KCND2: variants seen among roughly 807,000 people sequenced by gnomAD.
KCND2 encodes potassium voltage-gated channel subfamily D member 2.
Under a neutral mutation model 54.4 loss-of-function variants are expected in KCND2, and 16 were observed. The ratio of observed to expected loss-of-function variants is 0.29; its 90% CI spans 0.20 to 0.45. The LOEUF is 0.45. KCND2 is among the 20% of genes least tolerant of loss of function. KCND2 has a pLI of 1.00. For synonymous variants in KCND2, 317 were observed against 310.7 expected (o/e 1.02, Z -0.21); for missense variants, 486 against 824.2 (o/e 0.59, Z 5.02).
At chr7:120,473,080 C>A (rs929384359) in intron 1 of KCND2, among the ~76,000 whole-genome samples, 1 of 152,172 alleles carries the variant, frequency 6.6e-6, no homozygotes, top group Non-Finnish European at 1.5e-5. Flanking sequence ...CCATAAGGAC[C>A]AGCAGATCAG....
intron 2 of KCND2, among the ~76,000 whole-genome samples, chr7:120,734,253 A>T (rs1280389761): frequency 6.6e-6 from 1 of 152,142 alleles, no homozygotes; most frequent in Non-Finnish European, 1.5e-5. Flanking sequence ...AGTGGGTTAC[A>T]GTCTGTTTAC....
At chr7:120,695,003 C>T (rs914024954) in intron 1 of KCND2, among the ~76,000 whole-genome samples, 2 of 152,172 alleles carry the variant, frequency 1.3e-5, no homozygotes, top group African/African-American at 4.8e-5. Flanking sequence ...CTACCACACA[C>T]ATTTTAGCAA....
intron 1 of KCND2, among the ~76,000 whole-genome samples, chr7:120,448,675 A>G (rs1802055737): frequency 1.3e-5 from 2 of 152,150 alleles, no homozygotes; most frequent in African/African-American, 4.8e-5. Context: ...AAAACCCTCA[A>G]TAAAATACTG....
intron 1 of KCND2, among the ~76,000 whole-genome samples, chr7:120,302,595 CA>C (rs1232853267): frequency 2.6e-5 from 4 of 152,130 alleles, no homozygotes; most frequent in Non-Finnish European, 5.9e-5. Context: ...ACACATTAAA[CA>C]CACTATTAAA....
chr7:120,362,625 G>A (rs538166546), intron 1 of KCND2, among the ~76,000 whole-genome samples: 1 of 152,142 alleles, frequency 6.6e-6, no homozygotes, highest in Non-Finnish European at 1.5e-5. Context: ...TCTAGCTCGA[G>A]CTCTGTAATA....
intron 1 of KCND2, among the ~76,000 whole-genome samples, chr7:120,284,176 T>C (rs1338137987): frequency 1.3e-5 from 2 of 152,124 alleles, no homozygotes; most frequent in Admixed American, 1.3e-4. Context: ...TAGCATGCTG[T>C]TTCCATGAAG....
intron 1 of KCND2, among the ~76,000 whole-genome samples, chr7:120,591,294 G>C (rs1422306867): frequency 2.6e-5 from 4 of 152,130 alleles, no homozygotes; most frequent in Admixed American, 2.6e-4. Flanking sequence ...TTCTGAATCA[G>C]TGTTCACTAA....
At chr7:120,746,160 C>A (rs912479522) in intron 5 of KCND2, 133 bp downstream of exon 5, 4 of 1,002,646 alleles carry the variant, frequency 4.0e-6, no homozygotes, top group Middle Eastern at 2.7e-4. Context: ...AAAATGGTAG[C>A]GTAACAAGTA....
chr7:120,395,538 G>A (rs775060366), intron 1 of KCND2, among the ~76,000 whole-genome samples: 1 of 152,042 alleles, frequency 6.6e-6, no homozygotes, highest in African/African-American at 2.4e-5. Flanking sequence ...CTGGTGATCA[G>A]AGAAGCAATT....
At chr7:120,481,675 C>T (rs1802610183) in intron 1 of KCND2, among the ~76,000 whole-genome samples, 1 of 152,170 alleles carries the variant, frequency 6.6e-6, no homozygotes, top group African/African-American at 2.4e-5. Flanking sequence ...AACTCTGCTC[C>T]CTGCATTCTG....
chr7:120,273,841 C>T lies in KCND2; in HGVS notation c.-792C>T, dbSNP rs1320559306. The T allele has an allele frequency of 3.9e-5, 6 of 152,872 alleles. No homozygotes were observed. Among genetic ancestry groups the T allele is most frequent in the Non-Finnish European group, 1.5e-5 (1 of 68,284 alleles). The allele number at this position is 152,872 out of a possible 1,614,324, so 9.5% of individuals were successfully genotyped here. ...CCACGGCGGCGGCGGCTGCCAGCTC[C>T]TGAGCTCTGTAACTGTCACACTGCA... On this transcript the variant is annotated 5_prime_UTR_variant, in exon 1 of 6. Transcript: ENST00000331113.
At chr7:120,615,125 T>C (rs889169819) in intron 1 of KCND2, among the ~76,000 whole-genome samples, 1 of 152,186 alleles carries the variant, frequency 6.6e-6, no homozygotes, top group African/African-American at 2.4e-5. Flanking sequence ...AGTAACAATA[T>C]GAGGGCTCGG....
At chr7:120,369,459 A>G (rs150330718) in intron 1 of KCND2, among the ~76,000 whole-genome samples, 2 of 152,208 alleles carry the variant, frequency 1.3e-5, no homozygotes, top group East Asian at 1.9e-4. Flanking sequence ...TTCAGGAAAT[A>G]TATGAAATTA....
chr7:120,669,490 A>T (rs997348476), intron 1 of KCND2, among the ~76,000 whole-genome samples: 1 of 152,114 alleles, frequency 6.6e-6, no homozygotes, highest in African/African-American at 2.4e-5. Flanking sequence ...CTGGATATAT[A>T]TAAATATAGC....
chr7:120,639,648 A>G (rs1000505476), intron 1 of KCND2, among the ~76,000 whole-genome samples: 2 of 152,200 alleles, frequency 1.3e-5, no homozygotes, highest in Admixed American at 1.3e-4. Context: ...GAGAAATACA[A>G]GCAACCTTTA....
At chr7:120,565,439 T>G (rs2116417249) in intron 1 of KCND2, among the ~76,000 whole-genome samples, 1 of 152,330 alleles carries the variant, frequency 6.6e-6, no homozygotes, top group South Asian at 2.1e-4. Flanking sequence ...GGTCTGCATC[T>G]TTAGTAAAGG....
intron 1 of KCND2, among the ~76,000 whole-genome samples, chr7:120,486,067 A>G (rs1213586374): frequency 6.6e-6 from 1 of 152,174 alleles, no homozygotes; most frequent in Non-Finnish European, 1.5e-5. Flanking sequence ...TATACCTCAT[A>G]TATTTGATTG....
chr7:120,741,262 A>G (rs1020196712), intron 2 of KCND2, among the ~76,000 whole-genome samples: 1 of 152,202 alleles, frequency 6.6e-6, no homozygotes, highest in Non-Finnish European at 1.5e-5. Context: ...GAAAGAAACA[A>G]TAATGAAATA....
intron 1 of KCND2, among the ~76,000 whole-genome samples, chr7:120,338,505 T>C (rs540657727): frequency 2.6e-5 from 4 of 152,120 alleles, no homozygotes; most frequent in Non-Finnish European, 5.9e-5. Context: ...ATTGAAATGG[T>C]ATTTTGAAGT....
Sources: gnomAD v4.1 joint callset for allele counts (sites outside exome capture counted in the v4.1 genomes callset) on GRCh38, gnomAD v4.1.1 for gene constraint, MANE v1.5 for transcripts, NCBI Gene and HGNC (gene_info 2026-07-23, HGNC 2026-07-21) for gene names.